The following CENPN variants were observed in gnomAD, a reference collection of about 807,000 sequenced individuals.
CENPN encodes the protein interphase centromere complex protein 32.
In CENPN, 36 loss-of-function variants were observed where a neutral mutation model predicts 48.6. The ratio of observed to expected loss-of-function variants is 0.74; its 90% CI spans 0.57 to 0.98. The LOEUF (loss-of-function observed/expected upper bound fraction) is 0.98, where lower values mean the gene tolerates loss of function less well. CENPN is among the 50% of genes least tolerant of loss of function. The pLI, the probability that CENPN is intolerant of heterozygous loss-of-function variation, is 0.00. For synonymous variants in CENPN, 166 were observed against 135.2 expected (o/e 1.23, Z -1.58); for missense variants, 439 against 399.2 (o/e 1.10, Z -0.85).
At chr16:81,015,381 A>C in intron 3 of CENPN, among the ~76,000 whole-genome samples, 1 of 152,224 alleles carries the variant, frequency 6.6e-6, no homozygotes, top group East Asian at 1.9e-4. Flanking sequence ...TGGCATACCG[A>C]CATCTCTGGT....
intron 2 of CENPN, among the ~76,000 whole-genome samples, 179 bp from the exon 3 acceptor site, chr16:81,013,957 T>C (rs1567548072): frequency 6.6e-6 from 1 of 152,198 alleles, no homozygotes; most frequent in South Asian, 2.1e-4. Context: ...GGTTGTGGAC[T>C]AAGACATGAA....
At chr16:81,027,467 A>G (rs1285898899) in intron 9 of CENPN, among the ~76,000 whole-genome samples, 2 of 152,234 alleles carry the variant, frequency 1.3e-5, no homozygotes, top group Non-Finnish European at 2.9e-5. Flanking sequence ...GCAACAAAGT[A>G]AGACTCTGTC....
chr16:81,023,238 C>A, intron 7 of CENPN: 1 of 249,928 alleles, frequency 4.0e-6, no homozygotes, highest in Non-Finnish European at 7.8e-6. Context: ...CAGATGTCTG[C>A]ATATGTGTTG....
At position 81,020,264 on chromosome 16, in the gene CENPN, G is replaced by A. The variant is rs150861137; in HGVS notation, c.519G>A (p.Pro173=). 127 of 1,609,788 alleles carry A rather than the reference G, an allele frequency of 7.9e-5. No homozygotes were observed. The East Asian group carries it at 2.6e-3, about 33-fold the overall frequency. ...TSSSMLRRNT[P]LLGQALTIAS... is the part of the protein sequence containing the mutation. ...CCTCCATGCTGAGGCGCAATACACC[G>A]CTTCTGGGTCAGGTATGGAAAAAAT... The change falls in exon 6 of 11, where the codon CCG becomes CCA. Residue 173 remains proline, a synonymous_variant. Transcript: ENST00000305850.
chr16:81,014,083 G>C, intron 2 of CENPN, 53 bp from the exon 3 acceptor site: 3 of 1,481,340 alleles, frequency 2.0e-6, no homozygotes, highest in Non-Finnish European at 1.9e-6. Context: ...TTTTAAACGG[G>C]ATAGAACCAA....
chr16:81,008,050 T>G (rs892072862), intron 1 of CENPN, among the ~76,000 whole-genome samples: 1 of 152,032 alleles, frequency 6.6e-6, no homozygotes, highest in Non-Finnish European at 1.5e-5. Flanking sequence ...GAGGTTGCAG[T>G]GACCCGAGAT....
At chr16:81,028,134 A>T (rs375340651) in intron 9 of CENPN, 37 bp from the exon 10 acceptor site, 1 of 1,435,692 alleles carries the variant, frequency 7.0e-7, no homozygotes, top group Non-Finnish European at 9.8e-7. Flanking sequence ...TATTTATACA[A>T]TATGTTTAAT....
chr16:81,013,364 C>G (rs926076501), intron 2 of CENPN, among the ~76,000 whole-genome samples: 1 of 152,158 alleles, frequency 6.6e-6, no homozygotes, highest in Non-Finnish European at 1.5e-5. Context: ...CAGCGTTTGC[C>G]TTAGGACTAA....
chr16:81,027,089 C>T (rs974778009), intron 9 of CENPN, among the ~76,000 whole-genome samples: 4 of 152,098 alleles, frequency 2.6e-5, no homozygotes, highest in Non-Finnish European at 4.4e-5. Flanking sequence ...TGAGCCACTG[C>T]GCCCAGCCAT....
At chr16:81,024,447 G>A (rs1970366779) in intron 7 of CENPN, 1 of 235,692 alleles carries the variant, frequency 4.2e-6, no homozygotes, top group African/African-American at 2.3e-5. Context: ...CAGTGCAAAT[G>A]CTTCCGTAGA....
intron 7 of CENPN, chr16:81,023,884 T>C (rs1213099426): frequency 1.3e-5 from 2 of 152,142 alleles, no homozygotes; most frequent in Non-Finnish European, 2.9e-5. Flanking sequence ...ATCAAGACCA[T>C]CCTTGCTAAC....
chr16:81,014,464 C>A (rs1210931666), intron 3 of CENPN: 1 of 367,180 alleles, frequency 2.7e-6, no homozygotes, highest in Non-Finnish European at 5.0e-6. Context: ...AGCTCCTGGG[C>A]TAAAGTGTTC....
chr16:81,028,143 A>T, intron 9 of CENPN, 28 bp from the exon 10 acceptor site: 1 of 1,500,750 alleles, frequency 6.7e-7, no homozygotes, highest in South Asian at 1.1e-5. Context: ...AATATGTTTA[A>T]TAGTCATTTA....
rs746020492 is a variant in CENPN at position 81,022,742 on chromosome 16, C to G, written c.633+44C>G. On this transcript the variant is annotated intron_variant, in intron 7 of 10. Coordinates refer to ENST00000305850, the MANE Select transcript of CENPN (RefSeq NM_001100624.3). ...CTCTTTAAAGGTAAATCTTTATTTT[C>G]TCTTTGACACAGGAGTTAGAAGCTA... 9 of 1,614,014 alleles carry G rather than the reference C, an allele frequency of 5.6e-6. No homozygotes were observed. In the Admixed American group the frequency reaches 6.7e-5, roughly 12 times the overall value.
In CENPN at chr16:81,028,743, C is replaced by T; in HGVS notation, c.*92C>T. 6.7e-7 allele frequency: 1 copy of T among 1,500,210 alleles called. No homozygotes were observed. Among genetic ancestry groups the T allele is most frequent in the Non-Finnish European group, 8.8e-7 (1 of 1,130,026 alleles). The allele number at this position is 1,500,210 out of a possible 1,614,324, so 92.9% of individuals were successfully genotyped here. ...TAGCTGTATAGCTTCCGTCTGTAAACTTGTATTTTCAAGAATCCTTGGTAT... is the reference window on the plus strand; with the variant it reads ...TAGCTGTATAGCTTCCGTCTGTAAATTTGTATTTTCAAGAATCCTTGGTAT... On this transcript the variant is annotated 3_prime_UTR_variant, in exon 11 of 11. Transcript: ENST00000305850.
In CENPN at chr16:81,028,844, C is replaced by G; in HGVS notation, c.*193C>G. 3 of 1,358,350 alleles carry G rather than the reference C, an allele frequency of 2.2e-6. No individual in the cohort carries two copies. Among genetic ancestry groups the G allele is most frequent in the Non-Finnish European group, 1.9e-6 (2 of 1,060,954 alleles). The allele number at this position is 1,358,350 out of a possible 1,614,324, so 84.1% of individuals were successfully genotyped here. ...CGATATGCCTCCTCTCTCTGATATC[C>G]TGCTAACTGTAGCCGTTGTGGCATT... On this transcript the variant is annotated 3_prime_UTR_variant, in exon 11 of 11. Coordinates refer to ENST00000305850, the MANE Select transcript of CENPN (RefSeq NM_001100624.3).
At chr16:81,028,060 G>GT in intron 9 of CENPN, 111 bp from the exon 10 acceptor site, 2 of 968,014 alleles carry the variant, frequency 2.1e-6, no homozygotes, top group Middle Eastern at 3.2e-4. Flanking sequence ...GTTAATTCCT[G>GT]TATTTCTTAA....
chr16:81,027,490 CAAAG>C (rs1000948978), intron 9 of CENPN, among the ~76,000 whole-genome samples: 6 of 152,104 alleles, frequency 3.9e-5, no homozygotes, highest in Admixed American at 2.0e-4. Flanking sequence ...AAAAAAGAAA[CAAAG>C]AAAGAAATCT....
At position 81,028,615 on chromosome 16, in the gene CENPN, C is replaced by G; in HGVS notation, c.984C>G (p.Asn328Lys). The change falls in exon 11 of 11, where the codon AAC (asparagine) becomes AAG (lysine). Residue 328 changes from asparagine to lysine, a missense_variant. Physicochemically the swap from Asn to Lys is moderately conservative, Grantham distance 94. Transcript: ENST00000305850. ...CTCCACTGCTCACTTGCATACCCAA[C>G]AAGAGAATGAATTATTTTAAAATTA... ...PLSPLLTCIP[N>K]KRMNYFKIRD... 5 of 1,611,810 alleles carry G rather than the reference C, an allele frequency of 3.1e-6. No homozygotes were observed. The highest frequency in any genetic ancestry group is 4.2e-6 in the Non-Finnish European group (5 of 1,179,530).
Sources: allele counts gnomAD v4.1 joint callset (sites outside exome capture counted in the v4.1 genomes callset), GRCh38; gene constraint gnomAD v4.1.1; transcripts MANE v1.5; gene names NCBI Gene and HGNC (gene_info 2026-07-23, HGNC 2026-07-21).